Variants in FOCAD observed in about 807,000 individuals in gnomAD.
FOCAD encodes the protein KIAA1797.
In FOCAD, 198 loss-of-function variants were observed where a neutral mutation model predicts 225.6. That is an observed-to-expected ratio of 0.88 (90% CI 0.78 to 0.99). The LOEUF is 0.99. Ranked by LOEUF, FOCAD falls within the 50% of genes least tolerant of loss-of-function variation. The pLI, the probability that FOCAD is intolerant of heterozygous loss-of-function variation, is 0.00. For synonymous variants in FOCAD, 897 were observed against 755.0 expected (o/e 1.19, Z -3.08); for missense variants, 2,713 against 2,123.6 (o/e 1.28, Z -5.46).
chr9:20,874,972 T>A (rs1830115000), intron 19 of FOCAD, 165 bp downstream of exon 19: 7 of 856,302 alleles, frequency 8.2e-6, no homozygotes, highest in Non-Finnish European at 1.3e-5. Context: ...CTTGAGGTAG[T>A]ATGGTGTTTA....
chr9:20,675,034 G>A (rs1331123340), intron 2 of FOCAD, among the ~76,000 whole-genome samples: 1 of 152,210 alleles, frequency 6.6e-6, no homozygotes, highest in Non-Finnish European at 1.5e-5. Flanking sequence ...AAGAGCCACA[G>A]TCAAGGGCAA....
At chr9:20,977,969 C>T (rs1377837602) in intron 36 of FOCAD, among the ~76,000 whole-genome samples, 1 of 152,116 alleles carries the variant, frequency 6.6e-6, no homozygotes, top group African/African-American at 2.4e-5. Context: ...CATTCCACAC[C>T]TTGATATATT....
chr9:20,927,401 A>G (rs550265614), intron 26 of FOCAD, among the ~76,000 whole-genome samples: 1 of 152,308 alleles, frequency 6.6e-6, no homozygotes, highest in African/African-American at 2.4e-5. Context: ...TTATCTGCAA[A>G]ATGAAAGTAA....
At chr9:20,838,088 C>A (rs548274314) in intron 15 of FOCAD, among the ~76,000 whole-genome samples, 1 of 152,148 alleles carries the variant, frequency 6.6e-6, no homozygotes, top group South Asian at 2.1e-4. Flanking sequence ...TTAAACAATG[C>A]AATGTATACC....
chr9:20,965,411 G>A (rs1194030999), intron 35 of FOCAD, among the ~76,000 whole-genome samples: 1 of 152,114 alleles, frequency 6.6e-6, no homozygotes, highest in African/African-American at 2.4e-5. Context: ...AAGATATCAG[G>A]CGCCAAGACT....
In FOCAD at chr9:20,995,628, G is replaced by T. The variant is rs1313527701; in HGVS notation, c.5405G>T (p.Ter1802LeuextTer5). The change falls in exon 44 of 44, where the codon TGA becomes TTA. Residue 1802 changes from the stop codon to leucine, a stop_lost. Coordinates refer to ENST00000338382, the MANE Select transcript of FOCAD (RefSeq NM_001375567.1). ...KAVWTRAYGW[*>L] is the part of the protein sequence containing the mutation. ...GTATGGACCAGAGCATATGGTTGGT[G>T]AACAGTTTTGCAGTAACCAGCAGCA... 2 of 1,612,106 alleles carry T rather than the reference G, an allele frequency of 1.2e-6. No homozygotes were observed. The highest frequency in any genetic ancestry group is 1.1e-5 in the South Asian group (1 of 91,034).
At chr9:20,789,636 A>G in intron 11 of FOCAD, 28 bp downstream of exon 11, 2 of 1,610,110 alleles carry the variant, frequency 1.2e-6, no homozygotes, top group Non-Finnish European at 1.7e-6. Context: ...TGGAACAATA[A>G]TGAGAGGAAA....
At chr9:20,660,033 C>T (rs1204475790) in intron 2 of FOCAD, among the ~76,000 whole-genome samples, 1 of 152,120 alleles carries the variant, frequency 6.6e-6, no homozygotes, top group Non-Finnish European at 1.5e-5. Context: ...GAAGATAATT[C>T]AGTTTTGTTT....
chr9:20,948,380 T>A lies in FOCAD; in HGVS notation c.3785T>A (p.Ile1262Asn), dbSNP rs1837384203. 6.2e-7 allele frequency: 1 copy of A among 1,612,336 alleles called. No individual in the cohort carries two copies. The highest frequency in any genetic ancestry group is 8.5e-7 in the Non-Finnish European group (1 of 1,178,716). The change falls in exon 31 of 44, where the codon ATT becomes AAT. Residue 1262 changes from isoleucine to asparagine, a missense_variant. By Grantham distance (149) the Ile-to-Asn change is moderately radical. Coordinates refer to ENST00000338382, the MANE Select transcript of FOCAD (RefSeq NM_001375567.1). ...AAACTACTCCCTGCCTGGATCAGAATTGTTCTAACAGAGGTAGAGGTCACC... is the reference window on the plus strand; with the variant it reads ...AAACTACTCCCTGCCTGGATCAGAAATGTTCTAACAGAGGTAGAGGTCACC... ...GSKLLPAWIR[I>N]VLTEGTPTML...
chr9:20,912,987 T>C, intron 23 of FOCAD, 33 bp downstream of exon 23: 1 of 1,560,916 alleles, frequency 6.4e-7, no homozygotes. Flanking sequence ...CCATTATTTG[T>C]CATGGGAAGT....
intron 15 of FOCAD, among the ~76,000 whole-genome samples, chr9:20,862,334 A>G (rs1470660855): frequency 1.3e-5 from 2 of 151,994 alleles, no homozygotes; most frequent in African/African-American, 4.8e-5. Context: ...GGAGAGAGTT[A>G]TTTACTTGGT....
intron 5 of FOCAD, among the ~76,000 whole-genome samples, chr9:20,755,340 C>T (rs1416081928): frequency 6.6e-6 from 1 of 152,200 alleles, no homozygotes. Flanking sequence ...AATCCAATAG[C>T]TAGCAAAACA....
chr9:20,886,499 A>G (rs185106605), intron 21 of FOCAD, among the ~76,000 whole-genome samples: 49 of 152,320 alleles, frequency 3.2e-4, no homozygotes, highest in Admixed American at 5.2e-4. Flanking sequence ...AACAAGAAAA[A>G]GCATTAGTGC....
At chr9:20,668,082 A>T (rs1422245976) in intron 2 of FOCAD, among the ~76,000 whole-genome samples, 1 of 152,248 alleles carries the variant, frequency 6.6e-6, no homozygotes, top group South Asian at 2.1e-4. Flanking sequence ...CTGTAAATAA[A>T]TACATTTCCA....
At chr9:20,957,977 T>C (rs565193494) in intron 35 of FOCAD, among the ~76,000 whole-genome samples, 1 of 152,198 alleles carries the variant, frequency 6.6e-6, no homozygotes, top group Admixed American at 6.5e-5. Flanking sequence ...ACCTCAGCCC[T>C]GTATGAATTT....
At chr9:20,867,242 G>A (rs1353048210) in intron 18 of FOCAD, among the ~76,000 whole-genome samples, 1 of 151,836 alleles carries the variant, frequency 6.6e-6, no homozygotes, top group African/African-American at 2.4e-5. Context: ...AAGGTGACTG[G>A]GTATATGGCT....
At chr9:20,737,074 T>C (rs1199748842) in intron 4 of FOCAD, among the ~76,000 whole-genome samples, 1 of 152,134 alleles carries the variant, frequency 6.6e-6, no homozygotes, top group African/African-American at 2.4e-5. Context: ...AAAATTATAA[T>C]CTACTCATGC....
chr9:20,924,031 C>G (rs188278451), intron 25 of FOCAD, among the ~76,000 whole-genome samples: 2 of 152,148 alleles, frequency 1.3e-5, no homozygotes, highest in Admixed American at 1.3e-4. Flanking sequence ...GTGATTACAT[C>G]AATGGTAACC....
At chr9:20,753,712 A>G (rs910884761) in intron 5 of FOCAD, among the ~76,000 whole-genome samples, 11 of 151,870 alleles carry the variant, frequency 7.2e-5, no homozygotes, top group South Asian at 2.1e-4. Flanking sequence ...TTCCACTTCT[A>G]TTTTCTTCTG....
Sources: allele counts gnomAD v4.1 joint callset (sites outside exome capture counted in the v4.1 genomes callset), GRCh38; gene constraint gnomAD v4.1.1; transcripts MANE v1.5; gene names NCBI Gene and HGNC (gene_info 2026-07-23, HGNC 2026-07-21).